GRID1: variants seen among roughly 807,000 people sequenced by gnomAD.
GRID1 encodes glutamate receptor ionotropic, delta-1.
Under a neutral mutation model 98.0 loss-of-function variants are expected in GRID1, and 28 were observed. The ratio of observed to expected loss-of-function variants is 0.29; its 90% CI spans 0.21 to 0.39. GRID1 has a LOEUF of 0.39. GRID1 is among the 10% of genes least tolerant of loss of function. The pLI is 1.00. For missense variants in GRID1, 1,111 were observed against 1,340.5 expected (o/e 0.83, Z 2.67); for synonymous variants, 553 against 538.5 (o/e 1.03, Z -0.37).
chr10:85,991,849 G>A (rs1842684374), intron 4 of GRID1, among the ~76,000 whole-genome samples: 1 of 150,436 alleles, frequency 6.6e-6, no homozygotes, highest in Non-Finnish European at 1.5e-5. Context: ...CACTGAAAGG[G>A]GATGTGGAAA....
intron 8 of GRID1, among the ~76,000 whole-genome samples, chr10:85,832,690 A>G (rs1271533418): frequency 1.3e-5 from 2 of 152,174 alleles, no homozygotes; most frequent in Non-Finnish European, 2.9e-5. Flanking sequence ...GCTAGAGGAA[A>G]AACATAGTGA....
chr10:86,246,813 C>T lies in GRID1; in HGVS notation c.236-40165G>A, dbSNP rs542817481. On this transcript the variant is annotated intron_variant, in intron 2 of 15. Transcript: ENST00000327946. ...AGCCAACCCCCTACACAGGGCCTCC[C>T]CCAGCCAGTGCTGGCTCCTACATGC... Among the ~76,000 whole-genome samples, 22 of 152,388 alleles carry T rather than the reference C, an allele frequency of 1.4e-4. No individual in the cohort carries two copies. The East Asian group carries it at 4.2e-3, about 29-fold the overall frequency.
chr10:86,082,398 C>A (rs1474492636), intron 4 of GRID1, among the ~76,000 whole-genome samples: 1 of 152,158 alleles, frequency 6.6e-6, no homozygotes. Context: ...GGGGCAGCGG[C>A]AGGTGCAGAG....
In GRID1 at chr10:85,797,223, A is replaced by G. The variant is rs1321592422; in HGVS notation, c.1233+57273T>C. ...CTGGATAATTTAAATCAAAATTTCA[A>G]ATTTCCTTTTTTTTTAATTTCAACT... is the stretch of plus-strand genomic sequence containing the variant. On this transcript the variant is annotated intron_variant, in intron 8 of 15. Transcript: ENST00000327946. 2.6e-5 allele frequency among the ~76,000 whole-genome samples: 4 copies of G among 152,044 alleles called. No homozygotes were observed. In the East Asian group the frequency reaches 7.7e-4, roughly 29 times the overall value.
At chr10:85,725,542 G>A (rs896052228) in intron 10 of GRID1, among the ~76,000 whole-genome samples, 2 of 152,186 alleles carry the variant, frequency 1.3e-5, no homozygotes. Context: ...ATGTCCGGAT[G>A]GGTGGATGCC....
At chr10:86,025,423 C>G (rs541293326) in intron 4 of GRID1, among the ~76,000 whole-genome samples, 11 of 152,310 alleles carry the variant, frequency 7.2e-5, no homozygotes, top group African/African-American at 2.4e-4. Context: ...TCCTCACTTC[C>G]TAGTGATCAC....
intron 8 of GRID1, among the ~76,000 whole-genome samples, chr10:85,814,142 A>C (rs1195548441): frequency 1.3e-5 from 2 of 151,946 alleles, no homozygotes; most frequent in African/African-American, 4.8e-5. Flanking sequence ...CTCCAATTTA[A>C]AGGCAGATAT....
chr10:86,276,876 AC>A (rs1020480932), intron 2 of GRID1, among the ~76,000 whole-genome samples: 1 of 152,082 alleles, frequency 6.6e-6, no homozygotes, highest in African/African-American at 2.4e-5. Context: ...GAAAAAAAAA[AC>A]TAAAAAACTC....
chr10:85,958,053 T>G (rs1842217475), intron 4 of GRID1, among the ~76,000 whole-genome samples: 1 of 152,170 alleles, frequency 6.6e-6, no homozygotes, highest in African/African-American at 2.4e-5. Context: ...ACCCAGCAAG[T>G]GGACAACAAA....
At chr10:85,953,777 C>A (rs912321292) in intron 4 of GRID1, among the ~76,000 whole-genome samples, 3 of 152,218 alleles carry the variant, frequency 2.0e-5, no homozygotes, top group Admixed American at 6.6e-5. Flanking sequence ...ACAATTCATG[C>A]ACACTTTCAC....
At chr10:86,019,781 A>G (rs2131886237) in intron 4 of GRID1, among the ~76,000 whole-genome samples, 1 of 152,366 alleles carries the variant, frequency 6.6e-6, no homozygotes, top group Non-Finnish European at 1.5e-5. Context: ...ATGGGCCAAA[A>G]GAAGGCAAAA....
intron 2 of GRID1, among the ~76,000 whole-genome samples, chr10:86,287,500 C>A (rs1342512835): frequency 6.6e-6 from 1 of 152,224 alleles, no homozygotes; most frequent in Non-Finnish European, 1.5e-5. Flanking sequence ...TGCACTGGCA[C>A]CCTGGATCAA....
chr10:86,325,740 T>G lies in GRID1; in HGVS notation c.235+38201A>C, dbSNP rs1225327021. 5.3e-5 allele frequency among the ~76,000 whole-genome samples: 8 copies of G among 152,342 alleles called. No homozygotes were observed. In the East Asian group the frequency reaches 1.5e-3, roughly 29 times the overall value. On this transcript the variant is annotated intron_variant, in intron 2 of 15. Transcript: ENST00000327946. ...GGAATGTGGCTAAAATCATACTCTT[T>G]GTAAAATTCTTGGTAAACTAGGGAT...
rs192245403 is a variant in GRID1, at chr10:86,165,966, G to A, written c.521-26942C>T. Among the ~76,000 whole-genome samples the A allele has an allele frequency of 1.0e-3, 156 of 152,246 alleles. 1 individual carries two copies. Among genetic ancestry groups the A allele is most frequent in the African/African-American group, 3.4e-3 (140 of 41,540 alleles). On this transcript the variant is annotated intron_variant, in intron 3 of 15. Transcript: ENST00000327946. ...CCGGTCATGCTGATTGGACATTAGC[G>A]CAAAGGGAGATGCCAAAATGCTAAA...
chr10:85,825,558 C>A (rs139312148), intron 8 of GRID1, among the ~76,000 whole-genome samples: 7 of 152,188 alleles, frequency 4.6e-5, no homozygotes, highest in Admixed American at 2.0e-4. Flanking sequence ...TAGGCTAATA[C>A]TGAAACTTTT....
chr10:86,219,076 C>T (rs1043716137), intron 2 of GRID1, among the ~76,000 whole-genome samples: 3 of 152,262 alleles, frequency 2.0e-5, no homozygotes, highest in Non-Finnish European at 4.4e-5. Flanking sequence ...GGGATGCCCA[C>T]ACCCACCTCA....
Position 86,292,776 on chromosome 10 carries a change from G to A in GRID1, c.235+71165C>T, listed in dbSNP as rs999368211. ...AGTGGGTGTGAGTGTGACGGTGTCT[G>A]TGGGTGTGTGTATGCAAGTGTGGGT... On this transcript the variant is annotated intron_variant, in intron 2 of 15. Transcript: ENST00000327946. Among the ~76,000 whole-genome samples, 26 of 152,198 alleles carry A rather than the reference G, an allele frequency of 1.7e-4. 1 individual carries two copies. Among genetic ancestry groups the A allele is most frequent in the Admixed American group, 1.6e-3 (25 of 15,290 alleles).
intron 12 of GRID1, chr10:85,650,012 G>T (rs1410099826): frequency 6.6e-6 from 1 of 152,206 alleles, no homozygotes; most frequent in Non-Finnish European, 1.5e-5. Flanking sequence ...AGCACAGGGG[G>T]CACTACCATC....
intron 2 of GRID1, among the ~76,000 whole-genome samples, chr10:86,265,718 C>G (rs1847094139): frequency 6.6e-6 from 1 of 152,216 alleles, no homozygotes; most frequent in African/African-American, 2.4e-5. Flanking sequence ...TTCAGTGCCA[C>G]TAACACTCAC....
Sources: allele counts gnomAD v4.1 joint callset (sites outside exome capture counted in the v4.1 genomes callset), GRCh38; gene constraint gnomAD v4.1.1; transcripts MANE v1.5; gene names NCBI Gene and HGNC (gene_info 2026-07-23, HGNC 2026-07-21).